Variants in CDH12 observed in about 807,000 individuals in gnomAD.
CDH12 encodes cadherin 12, also known as cadherin-12.
Under a neutral mutation model 74.1 loss-of-function variants are expected in CDH12, and 41 were observed. That is an observed-to-expected ratio of 0.55 (90% CI 0.43 to 0.72). The LOEUF (loss-of-function observed/expected upper bound fraction) is 0.72. Ranked by LOEUF, CDH12 falls within the 30% of genes least tolerant of loss-of-function variation. The pLI is 0.00. For missense variants in CDH12, 945 were observed against 977.2 expected (o/e 0.97, Z 0.44); for synonymous variants, 399 against 355.0 (o/e 1.12, Z -1.39).
chr5:22,641,690 T>C (rs770691692), intron 1 of CDH12, among the ~76,000 whole-genome samples: 2 of 152,198 alleles, frequency 1.3e-5, no homozygotes, highest in African/African-American at 2.4e-5. Flanking sequence ...TAGGGTGCTC[T>C]GCTCACTGAT....
intron 8 of CDH12, among the ~76,000 whole-genome samples, chr5:21,827,121 G>A (rs1748719938): frequency 6.6e-6 from 1 of 152,176 alleles, no homozygotes; most frequent in Non-Finnish European, 1.5e-5. Context: ...CATGAGGTGA[G>A]TCAAGCAAGT....
At chr5:22,833,582 G>A (rs910133061) in intron 1 of CDH12, among the ~76,000 whole-genome samples, 20 of 152,140 alleles carry the variant, frequency 1.3e-4, no homozygotes, top group African/African-American at 4.6e-4. Context: ...GTACATATTT[G>A]GAATATAGAG....
chr5:22,802,407 A>C (rs537984626), intron 1 of CDH12, among the ~76,000 whole-genome samples: 1 of 152,134 alleles, frequency 6.6e-6, no homozygotes, highest in Non-Finnish European at 1.5e-5. Context: ...GGCGTGAGCT[A>C]CCGTGCCTGG....
intron 10 of CDH12, among the ~76,000 whole-genome samples, chr5:21,796,477 G>T (rs1428169855): frequency 6.6e-6 from 1 of 152,006 alleles, no homozygotes; most frequent in Admixed American, 6.6e-5. Flanking sequence ...ATTGTAAGAT[G>T]AATCTTTATG....
chr5:22,679,761 G>T (rs1216611834), intron 1 of CDH12, among the ~76,000 whole-genome samples: 3 of 152,018 alleles, frequency 2.0e-5, no homozygotes, highest in Non-Finnish European at 2.9e-5. Flanking sequence ...TTATGTACAT[G>T]CTACTATCTG....
intron 6 of CDH12, among the ~76,000 whole-genome samples, chr5:21,900,485 G>A (rs1348196151): frequency 6.6e-6 from 1 of 152,066 alleles, no homozygotes; most frequent in Non-Finnish European, 1.5e-5. Flanking sequence ...ATTAGCTATA[G>A]CTGTACAAAA....
chr5:22,193,548 G>C (rs963655992), intron 4 of CDH12, among the ~76,000 whole-genome samples: 15 of 151,908 alleles, frequency 9.9e-5, no homozygotes, highest in Non-Finnish European at 4.4e-5. Flanking sequence ...TCCTTGAATG[G>C]GCATAATTCA....
intron 1 of CDH12, among the ~76,000 whole-genome samples, chr5:22,703,882 T>C (rs1742847168): frequency 6.6e-6 from 1 of 152,174 alleles, no homozygotes; most frequent in Non-Finnish European, 1.5e-5. Context: ...AATGACTGTA[T>C]TATGTATACA....
At chr5:22,314,846 ATT>A (rs917845501) in intron 3 of CDH12, among the ~76,000 whole-genome samples, 7 of 145,464 alleles carry the variant, frequency 4.8e-5, no homozygotes, top group Non-Finnish European at 1.1e-4. Flanking sequence ...ATAGGTTATT[ATT>A]TTTTTTTAAT....
intron 1 of CDH12, among the ~76,000 whole-genome samples, chr5:22,850,450 T>G (rs1456232573): frequency 6.6e-6 from 1 of 152,114 alleles, no homozygotes; most frequent in African/African-American, 2.4e-5. Flanking sequence ...CATTTTCATT[T>G]ATTTAACAAT....
At chr5:22,192,409 G>T (rs937980547) in intron 4 of CDH12, among the ~76,000 whole-genome samples, 2 of 152,198 alleles carry the variant, frequency 1.3e-5, no homozygotes, top group Non-Finnish European at 2.9e-5. Context: ...CTGGTGGCTG[G>T]AAATGAGAGA....
intron 3 of CDH12, among the ~76,000 whole-genome samples, chr5:22,331,090 CAA>C (rs1739331715): frequency 6.6e-6 from 1 of 152,190 alleles, no homozygotes; most frequent in African/African-American, 2.4e-5. Context: ...GAAAAAATAA[CAA>C]GACTGGCTTT....
intron 1 of CDH12, among the ~76,000 whole-genome samples, chr5:22,806,603 C>A (rs1748826625): frequency 6.6e-6 from 1 of 152,086 alleles, no homozygotes; most frequent in Non-Finnish European, 1.5e-5. Context: ...ATCCGCCCGC[C>A]TCGGCCTCCC....
At chr5:22,374,686 C>T (rs927745271) in intron 3 of CDH12, among the ~76,000 whole-genome samples, 2 of 151,604 alleles carry the variant, frequency 1.3e-5, no homozygotes, top group African/African-American at 4.8e-5. Flanking sequence ...GGAAAGAAAT[C>T]AAGAAGGCAA....
rs759364590 is a variant in CDH12, at chr5:21,842,194, C to A, written c.781G>T (p.Asp261Tyr). ...AATCGAGGTGGATTGTCATTGACAT[C>A]GGTGAGAGTGATGTTGACTATTGTT... Reference protein sequence around the residue: ...GTTIVNITLTDVNDNPPRFPK... With the variant: ...GTTIVNITLTYVNDNPPRFPK... Residue 261 changes from aspartate (D) to tyrosine (Y), a missense_variant, in exon 8 of 15, where the codon GAT becomes TAT. By Grantham distance (160) the Asp-to-Tyr change is radical. This residue lies in a region of CDH12 where 791 missense variants were observed against 792.8 expected (regional missense o/e 1.00). Coordinates refer to ENST00000382254, the MANE Select transcript of CDH12 (RefSeq NM_004061.5). 6.2e-7 allele frequency: 1 copy of A among 1,612,650 alleles called. No individual in the cohort carries two copies. The highest frequency in any genetic ancestry group is 8.5e-7 in the Non-Finnish European group (1 of 1,179,362).
chr5:22,008,834 C>T (rs1737119132), intron 5 of CDH12, among the ~76,000 whole-genome samples: 2 of 152,150 alleles, frequency 1.3e-5, no homozygotes, highest in South Asian at 4.1e-4. Flanking sequence ...TGGGACCCTT[C>T]CCCAGTGTGA....
Position 21,970,637 on chromosome 5 carries a change from C to T in CDH12, c.526+4454G>A, listed in dbSNP as rs6870180. 2.4e-3 allele frequency among the ~76,000 whole-genome samples: 368 copies of T among 151,356 alleles called. 2 individuals are homozygous for T. Among genetic ancestry groups the T allele is most frequent in the African/African-American group, 8.4e-3 (348 of 41,238 alleles). ...GGCAAATCACTTGAGTTCAGGAGTT[C>T]GAGACCAGCCTGGCCAATGTGGCAA... On this transcript the variant is annotated intron_variant, in intron 6 of 14. Coordinates refer to ENST00000382254, the MANE Select transcript of CDH12 (RefSeq NM_004061.5).
intron 1 of CDH12, among the ~76,000 whole-genome samples, chr5:22,840,803 G>A (rs1487659126): frequency 6.6e-6 from 1 of 152,138 alleles, no homozygotes; most frequent in Non-Finnish European, 1.5e-5. Context: ...AGAGAGGATA[G>A]CCTTCATAGA....
At chr5:22,350,648 A>T (rs1368233498) in intron 3 of CDH12, among the ~76,000 whole-genome samples, 2 of 152,208 alleles carry the variant, frequency 1.3e-5, no homozygotes, top group Non-Finnish European at 2.9e-5. Context: ...TATCTGCAAA[A>T]TATTGCATGG....
Sources: gnomAD v4.1 joint callset for allele counts (sites outside exome capture counted in the v4.1 genomes callset) on GRCh38, gnomAD v4.1.1 for gene constraint, gnomAD v4.1.1 regional missense constraint, MANE v1.5 for transcripts, NCBI Gene and HGNC (gene_info 2026-07-23, HGNC 2026-07-21) for gene names.